ANKS1B: variants seen among roughly 807,000 people sequenced by gnomAD.
ANKS1B encodes the protein ankyrin repeat and sterile alpha motif domain containing 1B.
In ANKS1B, 36 loss-of-function variants were observed where a neutral mutation model predicts 148.3. That is an observed-to-expected ratio of 0.24 (90% CI 0.19 to 0.32). The LOEUF (loss-of-function observed/expected upper bound fraction) is 0.32. Among genes scored for constraint, ANKS1B ranks in the 10% least tolerant of loss-of-function variants. The probability of loss-of-function intolerance (pLI) is 1.00; values close to 1 mark genes in which losing one functional copy is unlikely to be tolerated. For missense variants in ANKS1B, 1,157 were observed against 1,542.6 expected, an observed-to-expected ratio of 0.75 and a Z score of 4.19; for synonymous variants, 542 against 560.8, an observed-to-expected ratio of 0.97 and a Z score of 0.47.
At chr12:98,990,149 C>T (rs2099925730) in intron 17 of ANKS1B, among the ~76,000 whole-genome samples, 1 of 152,140 alleles carries the variant, frequency 6.6e-6, no homozygotes, top group Admixed American at 6.5e-5. Context: ...AATCCATGTG[C>T]ATGAGATCTC....
chr12:99,287,312 T>G (rs972041581), intron 12 of ANKS1B, among the ~76,000 whole-genome samples: 1 of 152,184 alleles, frequency 6.6e-6, no homozygotes, highest in Non-Finnish European at 1.5e-5. Flanking sequence ...AAGGTGGTAT[T>G]TCTACAAGTC....
intron 17 of ANKS1B, among the ~76,000 whole-genome samples, chr12:99,043,938 A>G (rs1284936065): frequency 6.6e-6 from 1 of 152,240 alleles, no homozygotes; most frequent in Non-Finnish European, 1.5e-5. Flanking sequence ...GGTAAAAAAA[A>G]TCTATCTGGC....
At chr12:99,355,763 C>A (rs778754731) in intron 12 of ANKS1B, among the ~76,000 whole-genome samples, 1 of 152,074 alleles carries the variant, frequency 6.6e-6, no homozygotes, top group Non-Finnish European at 1.5e-5. Context: ...GAACTATTTA[C>A]CCAGCTTACA....
At chr12:99,178,080 T>G (rs2078625692) in intron 14 of ANKS1B, among the ~76,000 whole-genome samples, 1 of 152,234 alleles carries the variant, frequency 6.6e-6, no homozygotes, top group African/African-American at 2.4e-5. Context: ...CTCATCACTT[T>G]CAGTATAGAA....
At chr12:99,035,115 T>A (rs1226690907) in intron 17 of ANKS1B, among the ~76,000 whole-genome samples, 1 of 152,180 alleles carries the variant, frequency 6.6e-6, no homozygotes, top group Non-Finnish European at 1.5e-5. Flanking sequence ...CCTGCCCTCC[T>A]GTTTCTCAGT....
chr12:98,783,761 T>C (rs1593534379), intron 22 of ANKS1B, among the ~76,000 whole-genome samples: 2 of 151,936 alleles, frequency 1.3e-5, no homozygotes, highest in African/African-American at 2.4e-5. Context: ...GTTTGGAAGG[T>C]TGTGACTTAC....
intron 9 of ANKS1B, chr12:99,648,103 A>G: frequency 1.3e-6 from 2 of 1,539,636 alleles, no homozygotes; most frequent in Non-Finnish European, 1.8e-6. Flanking sequence ...CCAAGGAAAC[A>G]GGATGCCCGC....
At chr12:99,677,197 A>G (rs1447545066) in intron 8 of ANKS1B, among the ~76,000 whole-genome samples, 1 of 152,164 alleles carries the variant, frequency 6.6e-6, no homozygotes, top group Non-Finnish European at 1.5e-5. Flanking sequence ...CCTAGACCTA[A>G]TTTCTAGTTT....
intron 15 of ANKS1B, among the ~76,000 whole-genome samples, chr12:99,149,516 T>C (rs1349570075): frequency 6.6e-6 from 1 of 152,174 alleles, no homozygotes; most frequent in East Asian, 1.9e-4. Context: ...TTGAACATTT[T>C]AATAAGGGTC....
chr12:99,381,803 T>C (rs2093654087), intron 12 of ANKS1B, among the ~76,000 whole-genome samples: 1 of 152,218 alleles, frequency 6.6e-6, no homozygotes, highest in Admixed American at 6.5e-5. Context: ...TCACATTGCT[T>C]AATTGTCACT....
chr12:99,842,832 AT>A (rs1256608206), intron 1 of ANKS1B, among the ~76,000 whole-genome samples: 3 of 152,268 alleles, frequency 2.0e-5, no homozygotes, highest in African/African-American at 4.8e-5. Flanking sequence ...ATGCATGAGC[AT>A]TGAAAAGTAT....
chr12:99,653,992 G>A (rs1251736000), intron 9 of ANKS1B, among the ~76,000 whole-genome samples: 3 of 152,064 alleles, frequency 2.0e-5, no homozygotes, highest in African/African-American at 4.8e-5. Flanking sequence ...GGAACTACGC[G>A]TTAGACTGCA....
intron 11 of ANKS1B, among the ~76,000 whole-genome samples, chr12:99,404,654 TAGAAA>T (rs1174480907): frequency 1.4e-5 from 2 of 145,604 alleles, no homozygotes; most frequent in Non-Finnish European, 3.0e-5. Flanking sequence ...CTTCAAGATC[TAGAAA>T]ATAGCTTCCA....
chr12:99,600,385 C>G, intron 9 of ANKS1B, among the ~76,000 whole-genome samples: 1 of 151,960 alleles, frequency 6.6e-6, no homozygotes, highest in Admixed American at 6.6e-5. Flanking sequence ...TTCTACAATA[C>G]CACATCACAT....
At chr12:99,772,834 T>A in intron 8 of ANKS1B, 88 bp downstream of exon 8, 2 of 1,310,556 alleles carry the variant, frequency 1.5e-6, no homozygotes, top group African/African-American at 1.5e-5. Flanking sequence ...CGGAATCTGA[T>A]AATGCACCAC....
At chr12:99,171,090 C>T (rs1445067892) in intron 14 of ANKS1B, among the ~76,000 whole-genome samples, 2 of 152,170 alleles carry the variant, frequency 1.3e-5, no homozygotes, top group Non-Finnish European at 2.9e-5. Context: ...TCTTTTACAT[C>T]TTGTGATACA....
In ANKS1B at chr12:99,314,355, T is replaced by C. The variant is rs146158516; in HGVS notation, c.1757-67491A>G. On this transcript the variant is annotated intron_variant, in intron 12 of 26. Transcript: ENST00000683438. ...TGGCCATACTGCCCAAACTAATTTATAGATTCAATGCCATTCCCATCAAAC... is the reference window on the plus strand; with the variant it reads ...TGGCCATACTGCCCAAACTAATTTACAGATTCAATGCCATTCCCATCAAAC... Among the ~76,000 whole-genome samples, 596 of 152,296 alleles carry C rather than the reference T, an allele frequency of 3.9e-3. 8 individuals are homozygous for C. The highest frequency in any genetic ancestry group is 0.014 in the African/African-American group (564 of 41,558).
rs116805213 is a variant in ANKS1B at position 99,416,097 on chromosome 12, T to C, written c.1576-16286A>G. Among the ~76,000 whole-genome samples the C allele has an allele frequency of 4.2e-3, 636 of 152,342 alleles. 3 individuals are homozygous for C. The highest frequency in any genetic ancestry group is 0.014 in the African/African-American group (596 of 41,574). Reference sequence around the variant, plus strand: ...CAATTTTGTCACATTAATAATGCTATATTAATAGGATCACACAGTATGTAA... The same window carrying C: ...CAATTTTGTCACATTAATAATGCTACATTAATAGGATCACACAGTATGTAA... On this transcript the variant is annotated intron_variant, in intron 11 of 26. Transcript: ENST00000683438.
intron 9 of ANKS1B, among the ~76,000 whole-genome samples, chr12:99,554,953 G>A (rs2097260848): frequency 6.6e-6 from 1 of 152,048 alleles, no homozygotes; most frequent in Non-Finnish European, 1.5e-5. Flanking sequence ...TGTGGTAATT[G>A]GTTTTCTGTT....
Sources: gnomAD v4.1 joint callset for allele counts (sites outside exome capture counted in the v4.1 genomes callset) on GRCh38, gnomAD v4.1.1 for gene constraint, MANE v1.5 for transcripts, NCBI Gene and HGNC (gene_info 2026-07-23, HGNC 2026-07-21) for gene names.